NUMB: variants seen among roughly 807,000 people sequenced by gnomAD.
The protein encoded by NUMB is NUMB endocytic adaptor protein, also known as protein numb homolog.
Under a neutral mutation model 59.7 loss-of-function variants are expected in NUMB, and 29 were observed. That is an observed-to-expected ratio of 0.49 (90% CI 0.36 to 0.66). NUMB has a LOEUF of 0.66. Ranked by LOEUF, NUMB falls within the 30% of genes least tolerant of loss-of-function variation. NUMB has a pLI of 0.00. For synonymous variants in NUMB, 288 were observed against 288.2 expected, an observed-to-expected ratio of 1.00 and a Z score of 0.01; for missense variants, 723 against 822.0, an observed-to-expected ratio of 0.88 and a Z score of 1.47.
chr14:73,434,816 C>T (rs182522208), intron 1 of NUMB, among the ~76,000 whole-genome samples: 227 of 152,258 alleles, frequency 1.5e-3, no homozygotes, highest in African/African-American at 5.3e-3. Context: ...CCAATATTAA[C>T]CAATAGCAAA....
intron 6 of NUMB, among the ~76,000 whole-genome samples, chr14:73,305,356 C>T (rs1224815065): frequency 1.3e-5 from 2 of 151,874 alleles, no homozygotes; most frequent in Non-Finnish European, 2.9e-5. Context: ...ATTCATTATA[C>T]TGAAATATTA....
chr14:73,446,181 G>A (rs1008615507), intron 1 of NUMB, among the ~76,000 whole-genome samples: 1 of 151,822 alleles, frequency 6.6e-6, no homozygotes, highest in African/African-American at 2.4e-5. Context: ...ATTTTTAGTA[G>A]AGATGAAGTT....
intron 2 of NUMB, among the ~76,000 whole-genome samples, chr14:73,391,676 T>C (rs555571416): frequency 2.0e-5 from 3 of 152,296 alleles, no homozygotes; most frequent in African/African-American, 7.2e-5. Flanking sequence ...AGGTCTGGGA[T>C]GAGGCCCCAG....
At chr14:73,421,257 C>A (rs1199126187) in intron 1 of NUMB, among the ~76,000 whole-genome samples, 1 of 151,872 alleles carries the variant, frequency 6.6e-6, no homozygotes, top group South Asian at 2.1e-4. Context: ...CAATCTCGGC[C>A]CACTGCAACC....
chr14:73,449,377 A>C (rs7154527), intron 1 of NUMB, among the ~76,000 whole-genome samples: 121,831 of 152,080 alleles, frequency 0.8, 49,352 homozygotes, highest in African/African-American at 0.92. Flanking sequence ...TATGTTATAT[A>C]ATCTCTAGAT....
chr14:73,290,280 C>T (rs1889306473), intron 8 of NUMB, among the ~76,000 whole-genome samples: 4 of 152,196 alleles, frequency 2.6e-5, no homozygotes. Flanking sequence ...GCACCTGTGT[C>T]AAACCAATGA....
At chr14:73,393,635 TC>T (rs1386947184) in intron 2 of NUMB, among the ~76,000 whole-genome samples, 3 of 152,220 alleles carry the variant, frequency 2.0e-5, no homozygotes, top group Admixed American at 2.0e-4. Flanking sequence ...TAACAATGCA[TC>T]ATCAAAAAAC....
chr14:73,284,046 C>T (rs773656670), intron 10 of NUMB, 35 bp downstream of exon 10: 40 of 1,594,316 alleles, frequency 2.5e-5, no homozygotes, highest in Middle Eastern at 1.7e-4. Flanking sequence ...CTTCAGTGCT[C>T]GAGTACCCAG....
intron 1 of NUMB, among the ~76,000 whole-genome samples, chr14:73,429,372 AAAAT>A (rs1418556691): frequency 6.6e-6 from 1 of 152,080 alleles, no homozygotes; most frequent in Admixed American, 6.5e-5. Flanking sequence ...ACTCCATCTC[AAAAT>A]AAATAAATAA....
intron 1 of NUMB, among the ~76,000 whole-genome samples, chr14:73,447,785 A>AT (rs578171322): frequency 0.022 from 3,072 of 141,532 alleles, 104 homozygotes; most frequent in South Asian, 0.17. Context: ...TTTCTTGCCG[A>AT]TTTTTTTTTT....
intron 4 of NUMB, among the ~76,000 whole-genome samples, chr14:73,345,750 A>G (rs900276291): frequency 1.3e-5 from 2 of 151,930 alleles, no homozygotes; most frequent in Non-Finnish European, 2.9e-5. Flanking sequence ...TCTACTAAAA[A>G]TACAAAAATT....
intron 1 of NUMB, among the ~76,000 whole-genome samples, chr14:73,455,577 T>C (rs74061130): frequency 0.053 from 8,079 of 152,300 alleles, 693 homozygotes; most frequent in African/African-American, 0.18. Context: ...CCCAGGTGCA[T>C]TTTGCTGTCA....
At chr14:73,374,405 C>A (rs1894849974) in intron 2 of NUMB, among the ~76,000 whole-genome samples, 1 of 152,108 alleles carries the variant, frequency 6.6e-6, no homozygotes, top group Admixed American at 6.6e-5. Context: ...CTGGTGCCAA[C>A]CCTGTGTCTA....
chr14:73,385,216 G>A (rs1301468273), intron 2 of NUMB, among the ~76,000 whole-genome samples: 3 of 151,388 alleles, frequency 2.0e-5, no homozygotes, highest in African/African-American at 4.9e-5. Flanking sequence ...CAAGCTGGAA[G>A]TGGTATGATC....
intron 4 of NUMB, among the ~76,000 whole-genome samples, chr14:73,349,091 C>T (rs1893062197): frequency 6.6e-6 from 1 of 152,202 alleles, no homozygotes; most frequent in African/African-American, 2.4e-5. Flanking sequence ...TTTCTTTTAA[C>T]TGAACAAAAT....
At chr14:73,410,329 T>C (rs1241047734) in intron 1 of NUMB, among the ~76,000 whole-genome samples, 2 of 152,178 alleles carry the variant, frequency 1.3e-5, no homozygotes, top group Admixed American at 6.6e-5. Flanking sequence ...CTCAGTTAAG[T>C]CACAAATTCT....
chr14:73,372,307 A>T (rs1298674498), intron 2 of NUMB, among the ~76,000 whole-genome samples: 49 of 64,040 alleles, frequency 7.7e-4, no homozygotes, highest in African/African-American at 4.1e-3. Context: ...TATTTCTTTT[A>T]TATATATATA....
Position 73,357,089 on chromosome 14 carries a change from T to C in NUMB, c.-15-1323A>G, listed in dbSNP as rs1008058748. On this transcript the variant is annotated intron_variant, in intron 3 of 12. Coordinates refer to ENST00000555238, the MANE Select transcript of NUMB (RefSeq NM_001005743.2). The stretch of plus-strand genomic sequence containing the variant: ...ATAAAAAAAATGACAAAGGTACAAG[T>C]TTCATTATCAACTCTGTAACTAAAA... The C allele has an allele frequency of 3.8e-6, 3 of 788,674 alleles. No individual in the cohort carries two copies. In the African/African-American group the frequency reaches 5.6e-5, roughly 15 times the overall value. The allele number at this position is 788,674 out of a possible 1,614,324, so 48.9% of individuals were successfully genotyped here. A position where few individuals can be genotyped will look rare whatever the true frequency, so the allele number is the denominator to read the frequency against.
At chr14:73,334,917 C>T (rs1892209805) in intron 4 of NUMB, among the ~76,000 whole-genome samples, 1 of 146,536 alleles carries the variant, frequency 6.8e-6, no homozygotes, top group African/African-American at 2.6e-5. Context: ...CCACTGCACT[C>T]CAGCCTGGGC....
Sources: allele counts gnomAD v4.1 joint callset (sites outside exome capture counted in the v4.1 genomes callset), GRCh38; gene constraint gnomAD v4.1.1; transcripts MANE v1.5; gene names NCBI Gene and HGNC (gene_info 2026-07-23, HGNC 2026-07-21).